The following VGLL4 variants were observed in gnomAD, a reference collection of about 807,000 sequenced individuals.
VGLL4 encodes the protein vestigial like family member 4.
Under a neutral mutation model 21.0 loss-of-function variants are expected in VGLL4, and 7 were observed. The ratio of observed to expected loss-of-function variants is 0.33; its 90% confidence interval spans 0.19 to 0.63. The LOEUF is 0.63. Ranked by LOEUF, VGLL4 falls within the 20% of genes least tolerant of loss-of-function variation. The probability of loss-of-function intolerance (pLI) is 0.78; values close to 1 mark genes in which losing one functional copy is unlikely to be tolerated. For missense variants in VGLL4, 394 were observed against 425.7 expected (o/e 0.93, Z 0.66); for synonymous variants, 222 against 173.2 (o/e 1.28, Z -2.21).
intron 1 of VGLL4, among the ~76,000 whole-genome samples, chr3:11,606,643 T>C (rs1413572194): frequency 6.6e-6 from 1 of 152,118 alleles, no homozygotes; most frequent in East Asian, 1.9e-4. Context: ...AGCTAGAAGT[T>C]TGTAAAATGT....
intron 2 of VGLL4, among the ~76,000 whole-genome samples, chr3:11,660,473 A>C (rs1410409771): frequency 6.6e-6 from 1 of 152,216 alleles, no homozygotes; most frequent in Non-Finnish European, 1.5e-5. Flanking sequence ...GCCCAGTGCT[A>C]GCTGTGCTAG....
intron 1 of VGLL4, among the ~76,000 whole-genome samples, chr3:11,640,703 T>C (rs549535054): frequency 6.6e-6 from 1 of 152,290 alleles, no homozygotes; most frequent in South Asian, 2.1e-4. Flanking sequence ...AGGAAGCAGT[T>C]ACCAAGGAGG....
chr3:11,697,511 G>A lies in VGLL4; in HGVS notation c.64+5460C>T, dbSNP rs369708338. ...AAAGAGACAGAAAGATCAGGAGTGG[G>A]CCCAGCTGAACTAGTCACAGGAGCA... On this transcript the variant is annotated intron_variant, in intron 2 of 5. Coordinates refer to the VGLL4 transcript ENST00000273038. Among the ~76,000 whole-genome samples the A allele has an allele frequency of 9.8e-5, 15 of 152,296 alleles. No homozygotes were observed. In the South Asian group the frequency reaches 2.9e-3, roughly 29 times the overall value.
At chr3:11,581,176 C>T (rs1389519793) in intron 2 of VGLL4, among the ~76,000 whole-genome samples, 1 of 151,878 alleles carries the variant, frequency 6.6e-6, no homozygotes, top group Non-Finnish European at 1.5e-5. Context: ...AAGTGATTCT[C>T]CTGCCTCAGC....
intron 3 of VGLL4, 58 bp from the exon 4 acceptor site, chr3:11,559,513 C>G: frequency 6.7e-7 from 1 of 1,484,104 alleles, no homozygotes. Context: ...GGCACCACCC[C>G]TGGGGCCCTC....
intron 2 of VGLL4, among the ~76,000 whole-genome samples, chr3:11,681,488 C>T (rs998297335): frequency 6.6e-6 from 1 of 152,200 alleles, no homozygotes; most frequent in African/African-American, 2.4e-5. Flanking sequence ...TACAGCCCGT[C>T]GGCTCATGGA....
At position 11,643,883 on chromosome 3, in the gene VGLL4, G is replaced by T; in HGVS notation, c.-365C>A. The T allele has an allele frequency of 9.8e-7, 1 of 1,024,192 alleles. No individual in the cohort carries two copies. The allele number at this position is 1,024,192 out of a possible 1,614,324, so 63.4% of individuals were successfully genotyped here. On this transcript the variant is annotated 5_prime_UTR_variant, in exon 1 of 5. Coordinates refer to ENST00000430365, the MANE Select transcript of VGLL4 (RefSeq NM_001128219.3). The stretch of plus-strand genomic sequence containing the variant: ...GCGGCGCCGGCCCCTCTCACAGCCC[G>T]CTGCAAGCCGGCAGCGCTGACATGA...
chr3:11,588,606 C>A (rs2074413511), intron 2 of VGLL4, among the ~76,000 whole-genome samples: 1 of 152,238 alleles, frequency 6.6e-6, no homozygotes, highest in African/African-American at 2.4e-5. Context: ...GCCGTGCAAA[C>A]AGGGGGCTAA....
At chr3:11,610,706 T>G (rs987390789) in intron 1 of VGLL4, 1 of 152,200 alleles carries the variant, frequency 6.6e-6, no homozygotes, top group Non-Finnish European at 1.5e-5. Flanking sequence ...GCTAATAATA[T>G]AGATAAGGAT....
chr3:11,616,159 C>G (rs28449907), intron 1 of VGLL4, among the ~76,000 whole-genome samples: 33,397 of 151,610 alleles, frequency 0.22, 6,179 homozygotes, highest in African/African-American at 0.5. Context: ...GCCCCTCAGA[C>G]TCCACTGCTC....
chr3:11,658,317 T>C (rs2075985862), intron 2 of VGLL4, among the ~76,000 whole-genome samples: 1 of 151,992 alleles, frequency 6.6e-6, no homozygotes, highest in South Asian at 2.1e-4. Flanking sequence ...CCCAAAGCAA[T>C]AATCAAACTA....
At chr3:11,656,115 T>C (rs372005145) in intron 2 of VGLL4, among the ~76,000 whole-genome samples, 55 of 152,328 alleles carry the variant, frequency 3.6e-4, no homozygotes, top group African/African-American at 1.2e-3. Context: ...GATCAAAGTA[T>C]GATTTCCTGA....
chr3:11,565,872 C>T lies in VGLL4; in HGVS notation c.273-853G>A, dbSNP rs1435176695. ...CCATGGCCAGCCCTGGTCCACCCTCCCTGCTTTATTCCAGGGGTCCCACAG... is the reference window on the plus strand; with the variant it reads ...CCATGGCCAGCCCTGGTCCACCCTCTCTGCTTTATTCCAGGGGTCCCACAG... On this transcript the variant is annotated intron_variant, in intron 2 of 4. Transcript: ENST00000430365. The surrounding 1 kb of genome is among the most constrained non-coding windows in gnomAD (Gnocchi z 4.1). Among the ~76,000 whole-genome samples, 1 of 152,230 alleles carries T rather than the reference C, an allele frequency of 6.6e-6. No individual in the cohort carries two copies. Among genetic ancestry groups the T allele is most frequent in the Non-Finnish European group, 1.5e-5 (1 of 68,030 alleles).
chr3:11,716,070 G>T (rs148830424), intron 1 of VGLL4, among the ~76,000 whole-genome samples: 1 of 151,978 alleles, frequency 6.6e-6, no homozygotes, highest in Non-Finnish European at 1.5e-5. Context: ...TTGGGAGGCC[G>T]AGGCAGGCAG....
At chr3:11,670,556 T>C (rs1463237614) in intron 2 of VGLL4, among the ~76,000 whole-genome samples, 3 of 152,354 alleles carry the variant, frequency 2.0e-5, no homozygotes, top group Non-Finnish European at 4.4e-5. Context: ...CTATCCTAAA[T>C]ATGCCTTCAT....
Position 11,649,269 on chromosome 3 carries a change from G to A in VGLL4, c.65-47247C>T, listed in dbSNP as rs147596638. 3.1e-4 allele frequency among the ~76,000 whole-genome samples: 47 copies of A among 152,096 alleles called. No individual in the cohort carries two copies. The East Asian group carries it at 7.9e-3, about 26-fold the overall frequency. On this transcript the variant is annotated intron_variant, in intron 2 of 5. Transcript: ENST00000273038. ...TTGTTAACTGAAAACAATAAAAATC[G>A]GATATAAAACTAAAACACACATTAT...
intron 2 of VGLL4, among the ~76,000 whole-genome samples, chr3:11,663,866 GAA>G (rs1232998533): frequency 2.0e-5 from 3 of 152,192 alleles, no homozygotes; most frequent in African/African-American, 7.2e-5. Flanking sequence ...TATGCTGTAA[GAA>G]AACACATTTG....
chr3:11,700,468 T>G (rs2076665588), intron 2 of VGLL4, among the ~76,000 whole-genome samples: 1 of 152,212 alleles, frequency 6.6e-6, no homozygotes, highest in Non-Finnish European at 1.5e-5. Context: ...GGGTCGTCAC[T>G]GCTCCCTACA....
Position 11,573,251 on chromosome 3 carries a change from GAA to G in VGLL4, c.273-8234_273-8233del, listed in dbSNP as rs531706994. On this transcript the variant is annotated intron_variant, in intron 2 of 4. Coordinates refer to ENST00000430365, the MANE Select transcript of VGLL4 (RefSeq NM_001128219.3). ...GACAGAAAGAAAAGAAATAGAGAAA[GAA>G]AGAAAGAAAGAAAGAAAGAAAGAAA... 3.5e-3 allele frequency among the ~76,000 whole-genome samples: 13 copies of G among 3,766 alleles called. 1 individual carries two copies. The highest frequency in any genetic ancestry group is 0.018 in the East Asian group (3 of 164). The allele number at this position is 3,766 out of a possible 152,430, so 2.5% of individuals were successfully genotyped here. A position where few individuals can be genotyped will look rare whatever the true frequency, so the allele number is the denominator to read the frequency against.
Sources: gnomAD v4.1 joint callset for allele counts (sites outside exome capture counted in the v4.1 genomes callset) on GRCh38, gnomAD v4.1.1 for gene constraint, Gnocchi (gnomAD v3.1) non-coding constraint, MANE v1.5 for transcripts, NCBI Gene and HGNC (gene_info 2026-07-23, HGNC 2026-07-21) for gene names.